Variants in HUWE1 observed in about 807,000 individuals in gnomAD.
The protein encoded by HUWE1 is HECT, UBA and WWE domain containing E3 ubiquitin protein ligase 1.
Under a neutral mutation model 299.4 loss-of-function variants are expected in HUWE1, and 18 were observed. The observed-to-expected ratio is 0.06, with a 90% confidence interval of 0.04 to 0.09. The LOEUF is 0.09. Among genes scored for constraint, HUWE1 ranks in the 10% least tolerant of loss-of-function variants. The probability of loss-of-function intolerance (pLI) is 1.00; values close to 1 mark genes in which losing one functional copy is unlikely to be tolerated. For synonymous variants in HUWE1, 1,317 were observed against 1,286.1 expected (o/e 1.02, Z -0.51); for missense variants, 1,832 against 3,462.3 (o/e 0.53, Z 11.82).
intron 26 of HUWE1, 65 bp from the exon 27 acceptor site, chrX:53,603,566 A>T: frequency 9.6e-7 from 1 of 1,046,150 alleles, no homozygotes; most frequent in Non-Finnish European, 1.3e-6. Context: ...AAAAAAAAAA[A>T]TTGACCTTCA....
At position 53,533,084 on chromosome X, in the gene HUWE1, G is replaced by C. The variant is rs2060840044; in HGVS notation, c.*225C>G. Reference sequence around the variant, plus strand: ...TAAAACACATGGGGTGGGGATCATGGACGGCATGGAAAGGGGAGAGAAGGT... The same window carrying C: ...TAAAACACATGGGGTGGGGATCATGCACGGCATGGAAAGGGGAGAGAAGGT... On this transcript the variant is annotated 3_prime_UTR_variant, in exon 84 of 84. Coordinates refer to ENST00000262854, the MANE Select transcript of HUWE1 (RefSeq NM_031407.7). The C allele has an allele frequency of 2.4e-6, 1 of 423,693 alleles. No individual in the cohort carries two copies. Among genetic ancestry groups the C allele is most frequent in the Non-Finnish European group, 4.2e-6 (1 of 239,966 alleles). The allele number at this position is 423,693 out of a possible 1,213,427, so 34.9% of individuals were successfully genotyped here. A position where few individuals can be genotyped will look rare whatever the true frequency, so the allele number is the denominator to read the frequency against.
At chrX:53,617,176 G>A (rs2065848471) in intron 20 of HUWE1, 29 bp from the exon 21 acceptor site, 1 of 1,175,273 alleles carries the variant, frequency 8.5e-7, no homozygotes, top group African/African-American at 1.8e-5. Flanking sequence ...GAGCTTGAAT[G>A]CATCTAAAAG....
At chrX:53,634,814 AC>A (rs1557025388) in intron 7 of HUWE1, among the ~76,000 whole-genome samples, 1 of 112,116 alleles carries the variant, frequency 8.9e-6, no homozygotes, top group Non-Finnish European at 1.9e-5. Flanking sequence ...CTTATTTATT[AC>A]TACTGTACTT....
At chrX:53,589,470 T>G in intron 36 of HUWE1, 77 bp downstream of exon 36, 1 of 994,020 alleles carries the variant, frequency 1.0e-6, no homozygotes, top group Non-Finnish European at 1.4e-6. Context: ...ATATGCTGAT[T>G]TTTCAGAAAT....
intron 28 of HUWE1, 29 bp downstream of exon 28, chrX:53,602,535 T>C (rs782248943): frequency 2.3e-6 from 2 of 857,771 alleles, no homozygotes; most frequent in Non-Finnish European, 3.5e-6. Flanking sequence ...TTAGAAGTAA[T>C]GACTAACATT....
intron 25 of HUWE1, among the ~76,000 whole-genome samples, chrX:53,606,165 G>A (rs1028835213): frequency 4.5e-5 from 5 of 111,538 alleles, no homozygotes; most frequent in Non-Finnish European, 7.5e-5. Flanking sequence ...CCAAGAAAAG[G>A]CAACTCACAG....
At chrX:53,654,301 G>A (rs2068644341) in intron 3 of HUWE1, among the ~76,000 whole-genome samples, 170 bp from the exon 4 acceptor site, 1 of 111,880 alleles carries the variant, frequency 8.9e-6, no homozygotes, top group South Asian at 3.7e-4. Flanking sequence ...GGTAGAGAGA[G>A]GTAAAGAATC....
At chrX:53,541,446 T>A (rs1180233997) in intron 74 of HUWE1, among the ~76,000 whole-genome samples, 1 of 109,772 alleles carries the variant, frequency 9.1e-6, no homozygotes, top group Non-Finnish European at 1.9e-5. Context: ...AAAAAAAAAT[T>A]AGCCAGGCAT....
Position 53,533,361 on chromosome X carries a change from T to C in HUWE1, c.13073A>G (p.His4358Arg). 1 of 1,208,745 alleles carries C rather than the reference T, an allele frequency of 8.3e-7. No homozygotes were observed. Among genetic ancestry groups the C allele is most frequent in the Non-Finnish European group, 1.1e-6 (1 of 893,469 alleles). The change falls in exon 84 of 84, where the codon CAC becomes CGC. Residue 4358 changes from histidine to arginine, a missense_variant. Physicochemically the swap from His to Arg is conservative, Grantham distance 29 (BLOSUM62 0). This residue lies in a region of HUWE1 where 129 missense variants were observed against 439.4 expected (regional missense o/e 0.29). Coordinates refer to ENST00000262854, the MANE Select transcript of HUWE1 (RefSeq NM_031407.7). ...CTCCTGGATAGCCAACAGTAGCATG[T>C]GGCGGAGCTTCTCAAAGCTCTCATA... ...PAYESFEKLR[H>R]MLLLAIQECS...
chrX:53,555,429 GA>G (rs2147427598), intron 60 of HUWE1, among the ~76,000 whole-genome samples: 1 of 108,312 alleles, frequency 9.2e-6, no homozygotes, highest in East Asian at 2.9e-4. Context: ...GGGCTCAGGT[GA>G]TCTTCCCACC....
chrX:53,645,730 AAAAAAAAT>A (rs1351453285), intron 6 of HUWE1, among the ~76,000 whole-genome samples: 1 of 18,304 alleles, frequency 5.5e-5, no homozygotes, highest in African/African-American at 1.6e-4. Context: ...GAAAAAAAAA[AAAAAAAAT>A]ATATATATAT....
intron 78 of HUWE1, 51 bp from the exon 79 acceptor site, chrX:53,536,718 C>T (rs782185558): frequency 2.8e-6 from 3 of 1,059,252 alleles, no homozygotes; most frequent in East Asian, 3.0e-5. Flanking sequence ...ACCCAGGATA[C>T]ATCCAGTCAT....
intron 73 of HUWE1, among the ~76,000 whole-genome samples, chrX:53,543,177 T>C (rs1448933552): frequency 3.6e-5 from 4 of 110,221 alleles, no homozygotes; most frequent in African/African-American, 1.3e-4. Flanking sequence ...CAAAGAAATA[T>C]CGGGTCTTAG....
intron 23 of HUWE1, among the ~76,000 whole-genome samples, chrX:53,611,871 T>G (rs782698438): frequency 9.4e-6 from 1 of 106,000 alleles, no homozygotes; most frequent in South Asian, 4.0e-4. Flanking sequence ...AAAAAAAAAA[T>G]AAATAAATAA....
intron 3 of HUWE1, among the ~76,000 whole-genome samples, chrX:53,665,191 C>A (rs1443204413): frequency 9.0e-6 from 1 of 111,681 alleles, no homozygotes; most frequent in Non-Finnish European, 1.9e-5. Context: ...TCCTTAGCCA[C>A]ATAAAACATG....
At chrX:53,546,296 G>A (rs969225888) in intron 70 of HUWE1, 140 bp downstream of exon 70, 1 of 579,037 alleles carries the variant, frequency 1.7e-6, no homozygotes, top group African/African-American at 2.2e-5. Context: ...TCTGTGTTAC[G>A]ACAGAGGGAG....
intron 46 of HUWE1, 109 bp downstream of exon 46, chrX:53,575,046 G>GT (rs2063031350): frequency 3.5e-6 from 2 of 576,909 alleles, no homozygotes; most frequent in Middle Eastern, 3.7e-4. Context: ...ACCAGTAAAC[G>GT]TAATAATTAA....
chrX:53,558,846 T>C (rs782043035), intron 58 of HUWE1, 37 bp from the exon 59 acceptor site: 3 of 1,206,682 alleles, frequency 2.5e-6, no homozygotes, highest in Non-Finnish European at 2.2e-6. Flanking sequence ...GCTGCTCTGG[T>C]GGGGTCAGGG....
rs199632186 is a variant in HUWE1 at position 53,592,530 on chromosome X, G to A, written c.3840C>T (p.Ile1280=). Residue 1280 remains isoleucine (I), a synonymous_variant, in exon 33 of 84, where the codon ATC becomes ATT. Coordinates refer to ENST00000262854, the MANE Select transcript of HUWE1 (RefSeq NM_031407.7). ...CTCGAATCACAGGTTCTCCTCGGAG[G>A]ATGTGGCATAGAATGGCCAGCATCG... ...AESMLAILCH[I]LRGEPVIRER... is the part of the protein sequence containing the mutation. The A allele has an allele frequency of 8.4e-5, 102 of 1,208,428 alleles. No individual in the cohort carries two copies. Among genetic ancestry groups the A allele is most frequent in the Non-Finnish European group, 1.1e-4 (97 of 894,113 alleles).
Sources: allele counts gnomAD v4.1 joint callset (sites outside exome capture counted in the v4.1 genomes callset), GRCh38; gene constraint gnomAD v4.1.1; regional missense constraint gnomAD v4.1.1; transcripts MANE v1.5; gene names NCBI Gene and HGNC (gene_info 2026-07-23, HGNC 2026-07-21).